RAB2A: variants seen among roughly 807,000 people sequenced by gnomAD.
RAB2A encodes ras-related protein Rab-2A.
Under a neutral mutation model 32.5 loss-of-function variants are expected in RAB2A, and 7 were observed. The observed-to-expected ratio is 0.22, with a 90% confidence interval of 0.12 to 0.40. The LOEUF (loss-of-function observed/expected upper bound fraction) is 0.40, where lower values mean the gene tolerates loss of function less well. Among genes scored for constraint, RAB2A ranks in the 10% least tolerant of loss-of-function variants. The pLI is 1.00. For missense variants in RAB2A, 108 were observed against 260.7 expected (o/e 0.41, Z 4.03); for synonymous variants, 79 against 85.2 (o/e 0.93, Z 0.40).
At chr8:60,564,849 A>G (rs555781953) in intron 2 of RAB2A, among the ~76,000 whole-genome samples, 1 of 152,362 alleles carries the variant, frequency 6.6e-6, no homozygotes, top group South Asian at 2.1e-4. Flanking sequence ...CACCTGGTAC[A>G]TACTAGGGAC....
intron 6 of RAB2A, among the ~76,000 whole-genome samples, chr8:60,600,446 T>TAA (rs1804113548): frequency 6.6e-6 from 1 of 152,230 alleles, no homozygotes. Context: ...AGATCACTCT[T>TAA]ACGTTGCATG....
intron 1 of RAB2A, among the ~76,000 whole-genome samples, chr8:60,538,282 T>G (rs1033906532): frequency 6.6e-6 from 1 of 152,214 alleles, no homozygotes; most frequent in Non-Finnish European, 1.5e-5. Context: ...CTACCTATAT[T>G]CAAATACCCT....
chr8:60,620,607 G>GT, intron 7 of RAB2A, 67 bp from the exon 8 acceptor site: 3 of 1,181,684 alleles, frequency 2.5e-6, no homozygotes, highest in Non-Finnish European at 3.7e-6. Context: ...AATTAAATGA[G>GT]TTTTTTAAGA....
intron 3 of RAB2A, among the ~76,000 whole-genome samples, chr8:60,578,230 G>A (rs1320050114): frequency 6.6e-6 from 1 of 152,222 alleles, no homozygotes; most frequent in African/African-American, 2.4e-5. Context: ...AGTACTCTGA[G>A]TTAAGCTATT....
chr8:60,593,204 G>A (rs1803969976), intron 6 of RAB2A, among the ~76,000 whole-genome samples: 1 of 152,152 alleles, frequency 6.6e-6, no homozygotes, highest in Non-Finnish European at 1.5e-5. Flanking sequence ...GTCACCAGGT[G>A]ATTTCATCGT....
intron 1 of RAB2A, among the ~76,000 whole-genome samples, chr8:60,521,670 G>T (rs1303040951): frequency 1.3e-5 from 2 of 152,146 alleles, no homozygotes; most frequent in Admixed American, 1.3e-4. Context: ...ACCCAGGCTG[G>T]AGTGCAGTGG....
intron 6 of RAB2A, among the ~76,000 whole-genome samples, chr8:60,616,649 C>T (rs1804453421): frequency 6.6e-6 from 1 of 152,276 alleles, no homozygotes; most frequent in African/African-American, 2.4e-5. Flanking sequence ...CACTCGCGTC[C>T]TAAGTGCCTT....
chr8:60,544,552 CTTTTTTT>C (rs35482452), intron 1 of RAB2A, among the ~76,000 whole-genome samples: 1 of 114,150 alleles, frequency 8.8e-6, no homozygotes, highest in Non-Finnish European at 1.7e-5. Flanking sequence ...TCCCTAGTGC[CTTTTTTT>C]TTTTTTTTTT....
intron 2 of RAB2A, among the ~76,000 whole-genome samples, chr8:60,561,870 G>T (rs946248889): frequency 6.6e-6 from 1 of 152,074 alleles, no homozygotes; most frequent in African/African-American, 2.4e-5. Flanking sequence ...ATTCTATTTA[G>T]TCATCATGTC....
chr8:60,584,792 C>A lies in RAB2A; in HGVS notation c.339C>A (p.Val113=). 2 of 1,613,184 alleles carry A rather than the reference C, an allele frequency of 1.2e-6. No homozygotes were observed. Among genetic ancestry groups the A allele is most frequent in the South Asian group, 2.2e-5 (2 of 90,998 alleles). ...DARQHSNSNM[V]IMLIGNKSDL... is the part of the protein sequence containing the mutation. ...GCCAGCATTCCAATTCCAACATGGT[C>A]ATTATGCTTATTGGAAATAAAAGGT... is the stretch of plus-strand genomic sequence containing the variant. Residue 113 remains valine, a synonymous_variant, in exon 5 of 8, where the codon GTC becomes GTA. Coordinates refer to ENST00000262646, the MANE Select transcript of RAB2A (RefSeq NM_002865.3).
At chr8:60,606,507 C>T (rs1392643502) in intron 6 of RAB2A, among the ~76,000 whole-genome samples, 1 of 152,126 alleles carries the variant, frequency 6.6e-6, no homozygotes, top group East Asian at 1.9e-4. Context: ...TAAAATGGCA[C>T]CCAAGACAAC....
rs148344060 is a variant in RAB2A at position 60,606,746 on chromosome 8, G to T, written c.475-11834G>T. ...AAGTCGACAAATTTTTCTAACAGTT[G>T]CCCAAGCTATACCTGGGCCTTTTTG... is the stretch of plus-strand genomic sequence containing the variant. On this transcript the variant is annotated intron_variant, in intron 6 of 7. Coordinates refer to ENST00000262646, the MANE Select transcript of RAB2A (RefSeq NM_002865.3). 8.8e-3 allele frequency among the ~76,000 whole-genome samples: 1,347 copies of T among 152,292 alleles called. 25 individuals are homozygous for T. Among genetic ancestry groups the T allele is most frequent in the Non-Finnish European group, 9.6e-3 (650 of 68,016 alleles).
At chr8:60,615,218 T>G (rs1804428687) in intron 6 of RAB2A, among the ~76,000 whole-genome samples, 1 of 152,210 alleles carries the variant, frequency 6.6e-6, no homozygotes, top group Admixed American at 6.5e-5. Flanking sequence ...TGTAGGTATT[T>G]CCTTGCTAAG....
chr8:60,573,542 G>A (rs757261590), intron 3 of RAB2A, among the ~76,000 whole-genome samples: 1 of 152,052 alleles, frequency 6.6e-6, no homozygotes, highest in Non-Finnish European at 1.5e-5. Context: ...TCGACTCTGG[G>A]TTCTTGTGTT....
chr8:60,555,593 G>A (rs1306289376), intron 1 of RAB2A, among the ~76,000 whole-genome samples: 1 of 152,172 alleles, frequency 6.6e-6, no homozygotes, highest in Non-Finnish European at 1.5e-5. Context: ...TGGCCATCAA[G>A]TATATGAAAA....
intron 1 of RAB2A, among the ~76,000 whole-genome samples, chr8:60,538,755 G>A (rs1807594660): frequency 6.6e-6 from 1 of 152,176 alleles, no homozygotes; most frequent in Non-Finnish European, 1.5e-5. Context: ...GGTGCTGAGT[G>A]CTGATGAAGC....
At chr8:60,516,947 G>A (rs1807211967), upstream of RAB2A, 2 of 365,986 alleles carry the variant, frequency 5.5e-6, no homozygotes, top group Non-Finnish European at 9.9e-6. Context: ...GAACTTCCGG[G>A]TCGGCGCGGA....
intron 5 of RAB2A, 125 bp from the exon 6 acceptor site, chr8:60,591,733 T>C (rs913814165): frequency 1.1e-5 from 7 of 610,626 alleles, no homozygotes; most frequent in Non-Finnish European, 2.1e-5. Context: ...ATAATACAGT[T>C]AGTATGTTAA....
At chr8:60,551,232 T>C (rs544118507) in intron 1 of RAB2A, among the ~76,000 whole-genome samples, 1 of 152,340 alleles carries the variant, frequency 6.6e-6, no homozygotes, top group African/African-American at 2.4e-5. Context: ...TGTACACATT[T>C]GTGCACACAT....
Sources: gnomAD v4.1 joint callset for allele counts (sites outside exome capture counted in the v4.1 genomes callset) on GRCh38, gnomAD v4.1.1 for gene constraint, MANE v1.5 for transcripts, NCBI Gene and HGNC (gene_info 2026-07-23, HGNC 2026-07-21) for gene names.